GABBR2: variants seen among roughly 807,000 people sequenced by gnomAD.
GABBR2 encodes G-protein coupled receptor 51.
A neutral mutation model predicts 105.6 loss-of-function variants in GABBR2; 23 were observed. The observed-to-expected ratio is 0.22, with a 90% CI of 0.16 to 0.31. The LOEUF is 0.31. Among genes scored for constraint, GABBR2 ranks in the 10% least tolerant of loss-of-function variants. The probability of loss-of-function intolerance (pLI) is 1.00; values close to 1 mark genes in which losing one functional copy is unlikely to be tolerated. For synonymous variants in GABBR2, 478 were observed against 499.7 expected, an observed-to-expected ratio of 0.96 and a Z score of 0.58; for missense variants, 734 against 1,245.5, an observed-to-expected ratio of 0.59 and a Z score of 6.18.
At chr9:98,406,745 G>A (rs927562540) in intron 7 of GABBR2, among the ~76,000 whole-genome samples, 2 of 152,332 alleles carry the variant, frequency 1.3e-5, no homozygotes, top group Admixed American at 1.3e-4. Context: ...ACAGGCAGCT[G>A]AGTGCCCCTC....
intron 6 of GABBR2, among the ~76,000 whole-genome samples, chr9:98,469,278 G>A (rs1229168170): frequency 2.6e-5 from 4 of 152,212 alleles, no homozygotes; most frequent in African/African-American, 9.6e-5. Context: ...AGGAAAGAGA[G>A]AGAGAGTGAA....
chr9:98,512,491 T>C lies in GABBR2; in HGVS notation c.631-15977A>G, dbSNP rs1231880365. 2.0e-5 allele frequency among the ~76,000 whole-genome samples: 3 copies of C among 152,068 alleles called. No homozygotes were observed. In the East Asian group the frequency reaches 5.8e-4, roughly 29 times the overall value. On this transcript the variant is annotated intron_variant, in intron 3 of 18. Transcript: ENST00000259455. ...TTGTCCCTGTTTGCAGATGACATGA[T>C]TGTATATCTAGAAAACCCCATCGTC...
At chr9:98,635,156 T>C (rs1001262351) in intron 1 of GABBR2, among the ~76,000 whole-genome samples, 1 of 152,158 alleles carries the variant, frequency 6.6e-6, no homozygotes, top group Non-Finnish European at 1.5e-5. Flanking sequence ...TGTATAAAGC[T>C]CTATAAAGAC....
chr9:98,391,295 C>A (rs1345459528), intron 9 of GABBR2, among the ~76,000 whole-genome samples: 1 of 152,194 alleles, frequency 6.6e-6, no homozygotes, highest in African/African-American at 2.4e-5. Flanking sequence ...CCCACTTGAT[C>A]CACCCAACAG....
chr9:98,354,487 C>A (rs1485985061), intron 13 of GABBR2, among the ~76,000 whole-genome samples: 1 of 152,244 alleles, frequency 6.6e-6, no homozygotes, highest in Non-Finnish European at 1.5e-5. Context: ...TTTAGTGTAG[C>A]CACTTTCATC....
intron 1 of GABBR2, among the ~76,000 whole-genome samples, chr9:98,680,531 G>C (rs567175588): frequency 1.3e-5 from 2 of 151,908 alleles, no homozygotes; most frequent in East Asian, 3.9e-4. Context: ...TGATGGTCTC[G>C]ATCTCCTGAC....
intron 1 of GABBR2, among the ~76,000 whole-genome samples, chr9:98,652,113 T>C (rs72760664): frequency 0.077 from 11,653 of 152,112 alleles, 498 homozygotes; most frequent in African/African-American, 0.095. Context: ...TAATAAAATA[T>C]GGTCAAACAG....
chr9:98,675,979 AC>A (rs546246983), intron 1 of GABBR2, among the ~76,000 whole-genome samples: 1 of 151,908 alleles, frequency 6.6e-6, no homozygotes, highest in East Asian at 1.9e-4. Context: ...AACAAAGCAC[AC>A]CCCCCCAAAT....
intron 4 of GABBR2, among the ~76,000 whole-genome samples, chr9:98,495,477 A>C (rs1332257316): frequency 1.3e-5 from 2 of 152,156 alleles, no homozygotes; most frequent in Non-Finnish European, 2.9e-5. Flanking sequence ...GCACCTGCTT[A>C]CAAACCTCCA....
At chr9:98,480,450 T>A (rs947501673) in intron 5 of GABBR2, among the ~76,000 whole-genome samples, 4 of 152,182 alleles carry the variant, frequency 2.6e-5, no homozygotes, top group African/African-American at 9.7e-5. Flanking sequence ...GGGAAAATCA[T>A]AGTTGCTTCA....
chr9:98,423,082 G>A (rs1307469817), intron 7 of GABBR2, among the ~76,000 whole-genome samples: 1 of 152,182 alleles, frequency 6.6e-6, no homozygotes, highest in African/African-American at 2.4e-5. Context: ...ACGTGTGCAT[G>A]TGTCTTTATA....
intron 1 of GABBR2, among the ~76,000 whole-genome samples, chr9:98,588,327 G>A (rs1482099876): frequency 6.6e-6 from 1 of 152,164 alleles, no homozygotes. Flanking sequence ...TAAGTACTAG[G>A]AGCTGTCCAG....
chr9:98,500,941 A>T (rs890068596), intron 3 of GABBR2, among the ~76,000 whole-genome samples: 1 of 152,360 alleles, frequency 6.6e-6, no homozygotes, highest in African/African-American at 2.4e-5. Flanking sequence ...CAAGCTCTCC[A>T]GGTAATTCTG....
chr9:98,699,602 AC>A (rs1241709039), intron 1 of GABBR2, among the ~76,000 whole-genome samples: 1 of 152,110 alleles, frequency 6.6e-6, no homozygotes, highest in Admixed American at 6.6e-5. Context: ...GCCTAGGGGG[AC>A]CACAGAGGAG....
At chr9:98,391,902 G>T (rs1832187405) in intron 9 of GABBR2, among the ~76,000 whole-genome samples, 2 of 152,170 alleles carry the variant, frequency 1.3e-5, no homozygotes, top group South Asian at 4.1e-4. Flanking sequence ...AGGGCAGAAT[G>T]GATTGAGGAG....
intron 1 of GABBR2, among the ~76,000 whole-genome samples, chr9:98,590,608 G>T (rs1829133466): frequency 6.6e-6 from 1 of 152,234 alleles, no homozygotes; most frequent in African/African-American, 2.4e-5. Flanking sequence ...GCTCTTTTCT[G>T]CAGGTTTGTG....
chr9:98,461,452 A>G (rs1173438072), intron 6 of GABBR2, among the ~76,000 whole-genome samples: 1 of 152,196 alleles, frequency 6.6e-6, no homozygotes, highest in Non-Finnish European at 1.5e-5. Flanking sequence ...GACAAAGGTG[A>G]CACTGTAGCC....
At chr9:98,432,485 A>G (rs1347303456) in intron 7 of GABBR2, among the ~76,000 whole-genome samples, 1 of 152,158 alleles carries the variant, frequency 6.6e-6, no homozygotes, top group East Asian at 1.9e-4. Context: ...GGGGTATAAA[A>G]CAAACAGAGC....
chr9:98,448,908 T>C (rs1358648018), intron 7 of GABBR2, among the ~76,000 whole-genome samples: 3 of 133,920 alleles, frequency 2.2e-5, no homozygotes, highest in African/African-American at 8.1e-5. Flanking sequence ...GACTGGAAAC[T>C]GGAAAGAGTT....
Sources: gnomAD v4.1 joint callset for allele counts (sites outside exome capture counted in the v4.1 genomes callset) on GRCh38, gnomAD v4.1.1 for gene constraint, MANE v1.5 for transcripts, NCBI Gene and HGNC (gene_info 2026-07-23, HGNC 2026-07-21) for gene names.